Variants in MARCHF6 observed in about 807,000 individuals in gnomAD.
The protein encoded by MARCHF6 is E3 ubiquitin-protein ligase MARCHF6.
A neutral mutation model predicts 133.7 loss-of-function variants in MARCHF6; 31 were observed. The ratio of observed to expected loss-of-function variants is 0.23; its 90% CI spans 0.17 to 0.31. The LOEUF (loss-of-function observed/expected upper bound fraction) is 0.31, where lower values mean the gene tolerates loss of function less well. Ranked by LOEUF, MARCHF6 falls within the 10% of genes least tolerant of loss-of-function variation. The pLI, the probability that MARCHF6 is intolerant of heterozygous loss-of-function variation, is 1.00. For synonymous variants in MARCHF6, 395 were observed against 402.5 expected (o/e 0.98, Z 0.22); for missense variants, 723 against 1,121.6 (o/e 0.64, Z 5.08).
chr5:10,405,424 C>A (rs1738826549), intron 15 of MARCHF6, 134 bp from the exon 16 acceptor site: 1 of 643,228 alleles, frequency 1.6e-6, no homozygotes, highest in Non-Finnish European at 2.4e-6. Context: ...CCTAAGAATA[C>A]CATGTACATT....
In MARCHF6 at chr5:10,402,422, C is replaced by T; in HGVS notation, c.1092C>T (p.Arg364=). ...ATLVKFHRSR[R]LLGVCYIVVK... is the part of the protein sequence containing the mutation. ...TTGTGAAATTTCATAGATCTCGTCG[C>T]TTACTGGGAGTCTGCTATATTGTTG... The change falls in exon 13 of 26, where the codon CGC becomes CGT. Residue 364 remains arginine, a synonymous_variant. Coordinates refer to ENST00000274140, the MANE Select transcript of MARCHF6 (RefSeq NM_005885.4). 6 of 1,613,964 alleles carry T rather than the reference C, an allele frequency of 3.7e-6. No homozygotes were observed. The highest frequency in any genetic ancestry group is 4.2e-6 in the Non-Finnish European group (5 of 1,179,914).
intron 24 of MARCHF6, 115 bp from the exon 25 acceptor site, chr5:10,429,756 GATTGTAGAAAGTTAACAGACCT>G (rs1207783440): frequency 1.5e-6 from 1 of 674,786 alleles, no homozygotes; most frequent in Non-Finnish European, 2.5e-6. Flanking sequence ...GACCTACACA[GATTGTAGAAAGTTAACAGACCT>G]GGGGCTTAGA....
chr5:10,404,786 A>G (rs1208813888), intron 15 of MARCHF6, among the ~76,000 whole-genome samples: 1 of 152,200 alleles, frequency 6.6e-6, no homozygotes, highest in Admixed American at 6.5e-5. Context: ...CATACGGTAT[A>G]ATTTCAGTAA....
At chr5:10,393,785 A>G (rs1044200803) in intron 7 of MARCHF6, among the ~76,000 whole-genome samples, 3 of 152,244 alleles carry the variant, frequency 2.0e-5, no homozygotes, top group African/African-American at 7.2e-5. Flanking sequence ...CAAATCTGCC[A>G]GATTCTTTCC....
At chr5:10,363,280 C>T (rs921888081) in intron 1 of MARCHF6, among the ~76,000 whole-genome samples, 6 of 152,094 alleles carry the variant, frequency 3.9e-5, no homozygotes, top group African/African-American at 1.4e-4. Flanking sequence ...TTATAAGGGG[C>T]TTGGAGTATA....
intron 20 of MARCHF6, among the ~76,000 whole-genome samples, chr5:10,414,972 T>C (rs1033897890): frequency 6.6e-6 from 1 of 152,246 alleles, no homozygotes; most frequent in African/African-American, 2.4e-5. Flanking sequence ...TGGTATTCTT[T>C]GATTATTGTG....
At chr5:10,358,945 T>C (rs1328117925) in intron 1 of MARCHF6, among the ~76,000 whole-genome samples, 2 of 152,222 alleles carry the variant, frequency 1.3e-5, no homozygotes, top group Non-Finnish European at 2.9e-5. Flanking sequence ...AGATACAGTA[T>C]TAAATCATAA....
chr5:10,396,780 G>A (rs539571604), intron 9 of MARCHF6, among the ~76,000 whole-genome samples: 1 of 152,154 alleles, frequency 6.6e-6, no homozygotes, highest in Non-Finnish European at 1.5e-5. Context: ...GAAAGTCAGG[G>A]CACCATAGGG....
At chr5:10,427,889 G>A (rs1740172221) in intron 24 of MARCHF6, among the ~76,000 whole-genome samples, 1 of 152,084 alleles carries the variant, frequency 6.6e-6, no homozygotes, top group South Asian at 2.1e-4. Context: ...GCAACATGGC[G>A]AGACCCAACC....
intron 1 of MARCHF6, among the ~76,000 whole-genome samples, chr5:10,360,633 C>T (rs1021788676): frequency 2.0e-5 from 3 of 152,174 alleles, no homozygotes; most frequent in African/African-American, 7.2e-5. Context: ...CTATCTCTTT[C>T]CTGGTTAAGA....
rs200751600 is a variant in MARCHF6 at position 10,429,955 on chromosome 5, G to T, written c.2569G>T (p.Val857Leu). Residue 857 changes from valine to leucine, a missense_variant, in exon 25 of 26, where the codon GTG becomes TTG. Physicochemically the swap from Val to Leu is conservative, Grantham distance 32. This residue lies in a region of MARCHF6 where 492 missense variants were observed against 699.5 expected (regional missense o/e 0.70). Transcript: ENST00000274140. ...GATTTATCCATTTTTACTGATGGTC[G>T]TGGTATTGATGGCAATTTTGTCCTT... Reference protein sequence around the residue: ...RRIYPFLLMVVVLMAILSFQV... With the variant: ...RRIYPFLLMVLVLMAILSFQV... 1.2e-6 allele frequency: 2 copies of T among 1,613,518 alleles called. No homozygotes were observed. The highest frequency in any genetic ancestry group is 1.7e-6 in the Non-Finnish European group (2 of 1,179,588).
At chr5:10,415,717 A>T in intron 21 of MARCHF6, 48 bp downstream of exon 21, 1 of 1,447,186 alleles carries the variant, frequency 6.9e-7, no homozygotes, top group Non-Finnish European at 9.2e-7. Context: ...GGAATAGTGA[A>T]TATTTTTCCA....
chr5:10,402,343 TA>T, intron 12 of MARCHF6, 40 bp from the exon 13 acceptor site: 2 of 1,535,412 alleles, frequency 1.3e-6, no homozygotes, highest in Non-Finnish European at 1.8e-6. Flanking sequence ...TGTTTCATTG[TA>T]CCTTTAAATA....
At chr5:10,410,573 A>G (rs1739163079) in intron 18 of MARCHF6, among the ~76,000 whole-genome samples, 1 of 151,386 alleles carries the variant, frequency 6.6e-6, no homozygotes. Context: ...AAACCAGTTT[A>G]CCTTTATTTA....
chr5:10,417,831 CTT>C (rs1286518233), intron 22 of MARCHF6, among the ~76,000 whole-genome samples: 1 of 150,210 alleles, frequency 6.7e-6, no homozygotes, highest in Non-Finnish European at 1.5e-5. Flanking sequence ...TCTAGGAACT[CTT>C]ATAAAATTGT....
intron 7 of MARCHF6, among the ~76,000 whole-genome samples, chr5:10,392,212 C>T (rs1737902713): frequency 6.6e-6 from 1 of 152,142 alleles, no homozygotes; most frequent in Non-Finnish European, 1.5e-5. Context: ...CCATCTCGGC[C>T]TCCAAAGTGC....
Position 10,383,819 on chromosome 5 carries a change from A to G in MARCHF6, c.334+1876A>G, listed in dbSNP as rs1579555364. 2.0e-5 allele frequency among the ~76,000 whole-genome samples: 3 copies of G among 152,370 alleles called. No individual in the cohort carries two copies. The South Asian group carries it at 6.2e-4, about 32-fold the overall frequency. ...AGTTTTTGGGTAACAGCCTGGAACT[A>G]AAATTCCAGATGATCTTAACGTGGG... On this transcript the variant is annotated intron_variant, in intron 4 of 25. Transcript: ENST00000274140.
At chr5:10,394,235 G>A (rs565766718) in intron 8 of MARCHF6, 92 bp downstream of exon 8, 23 of 664,586 alleles carry the variant, frequency 3.5e-5, no homozygotes, top group East Asian at 9.6e-5. Flanking sequence ...TAATGTTATC[G>A]TTACAGTTGA....
At chr5:10,415,391 T>C (rs1490163071) in intron 20 of MARCHF6, 97 bp from the exon 21 acceptor site, 12 of 1,115,014 alleles carry the variant, frequency 1.1e-5, no homozygotes, top group Non-Finnish European at 1.6e-5. Flanking sequence ...GAATGTGATA[T>C]CTTTTTCCTA....
Sources: allele counts gnomAD v4.1 joint callset (sites outside exome capture counted in the v4.1 genomes callset), GRCh38; gene constraint gnomAD v4.1.1; regional missense constraint gnomAD v4.1.1; transcripts MANE v1.5; gene names NCBI Gene and HGNC (gene_info 2026-07-23, HGNC 2026-07-21).